The following LYST variants were observed in gnomAD, a reference collection of about 807,000 sequenced individuals.
The protein encoded by LYST is lysosomal trafficking regulator, also known as lysosomal-trafficking regulator.
A neutral mutation model predicts 413.6 loss-of-function variants in LYST; 192 were observed. The observed-to-expected ratio is 0.46, with a 90% CI of 0.41 to 0.52. The LOEUF (loss-of-function observed/expected upper bound fraction) is 0.52. Among genes scored for constraint, LYST ranks in the 20% least tolerant of loss-of-function variants. LYST has a pLI of 0.00. For missense variants in LYST, 3,815 were observed against 4,499.9 expected, an observed-to-expected ratio of 0.85 and a Z score of 4.35; for synonymous variants, 1,525 against 1,567.3, an observed-to-expected ratio of 0.97 and a Z score of 0.64.
Position 235,686,851 on chromosome 1 carries a change from T to G in LYST, c.10800+98A>C. On this transcript the variant is annotated intron_variant, in intron 48 of 52. Coordinates refer to ENST00000389793, the MANE Select transcript of LYST (RefSeq NM_000081.4). This position sits in a 1 kb window ranked among gnomAD's most constrained non-coding sequence, Gnocchi z 4.0. ...GGGAGAAGATTAAGGTATAAACATT[T>G]TAAGTTAATCTTATGCAAAGTGAAT... 1 of 908,888 alleles carries G rather than the reference T, an allele frequency of 1.1e-6. No individual in the cohort carries two copies. The highest frequency in any genetic ancestry group is 1.9e-6 in the Non-Finnish European group (1 of 537,924). 56.3% of individuals were successfully genotyped at this position (908,888 alleles called of 1,614,324 possible).
In LYST at chr1:235,808,921, T is replaced by C. The variant is rs747022808; in HGVS notation, c.1897A>G (p.Lys633Glu). The C allele has an allele frequency of 1.2e-6, 2 of 1,612,538 alleles. No homozygotes were observed. The highest frequency in any genetic ancestry group is 1.7e-6 in the Non-Finnish European group (2 of 1,179,092). Residue 633 changes from lysine to glutamate, a missense_variant, in exon 5 of 53, where the codon AAA becomes GAA. This residue lies in a region of LYST where 1,648 missense variants were observed against 1,810.3 expected (regional missense o/e 0.91). Transcript: ENST00000389793. ...GTACAAATATTACAAGCTGCTTTTT[T>C]AATTTTTGGTGATATCTCTGCTCCT... is the stretch of plus-strand genomic sequence containing the variant. ...LGGAEISPKIKKAACNICTVD... is the reference protein window; with the variant it reads ...LGGAEISPKIEKAACNICTVD...
Position 235,687,065 on chromosome 1 carries a change from T to C in LYST, c.10702-18A>G. On this transcript the variant is annotated intron_variant, in intron 47 of 52. Transcript: ENST00000389793. The stretch of plus-strand genomic sequence containing the variant: ...CTAGTCACCTTTGAAAAAGGACCAA[T>C]CAAAGATTATCATGTTTTAAAAGAA... 1 of 1,469,754 alleles carries C rather than the reference T, an allele frequency of 6.8e-7. No individual in the cohort carries two copies. Among genetic ancestry groups the C allele is most frequent in the Non-Finnish European group, 9.5e-7 (1 of 1,048,566 alleles). 91.0% of individuals were successfully genotyped at this position (1,469,754 alleles called of 1,614,324 possible).
At chr1:235,770,472 A>G (rs914748464) in intron 19 of LYST, among the ~76,000 whole-genome samples, 175 bp from the exon 20 acceptor site, 8 of 152,218 alleles carry the variant, frequency 5.3e-5, no homozygotes. Context: ...TTTGTTGCCA[A>G]TAGGCTATTT....
rs955825715 is a variant in LYST, at chr1:235,734,466, T to C, written c.8535+17A>G. ...GATGGAATCTCCTAAGAAAGTACTA[T>C]GGTTTCATTGACTCACCTCTTTGAT... On this transcript the variant is annotated intron_variant, in intron 32 of 52. Coordinates refer to ENST00000389793, the MANE Select transcript of LYST (RefSeq NM_000081.4). 9 of 1,604,996 alleles carry C rather than the reference T, an allele frequency of 5.6e-6. No individual in the cohort carries two copies. The highest frequency in any genetic ancestry group is 1.7e-4 in the Middle Eastern group (1 of 6,046).
At position 235,693,351 on chromosome 1, in the gene LYST, T is replaced by C. The variant is rs770638775; in HGVS notation, c.10700A>G (p.Gln3567Arg). 35 of 1,597,462 alleles carry C rather than the reference T, an allele frequency of 2.2e-5. 2 individuals are homozygous for C. The South Asian group carries it at 2.8e-4, about 13-fold the overall frequency. ...AATAAAATAAAATAAAGTGTTTACC[T>C]GGTACTGTTGTGAACTTTGAATAAA... ...VNFIQSSQQY[Q>R]VTSCAWVPDS... Residue 3567 changes from glutamine (Q) to arginine (R), a missense_variant and splice_region_variant, in exon 47 of 53, where the codon CAG becomes CGG. By Grantham distance (43) the Gln-to-Arg change is conservative. Coordinates refer to ENST00000389793, the MANE Select transcript of LYST (RefSeq NM_000081.4).
intron 30 of LYST, among the ~76,000 whole-genome samples, chr1:235,742,570 TTA>T (rs35428246): frequency 5.0e-4 from 73 of 146,746 alleles, no homozygotes; most frequent in Non-Finnish European, 5.4e-4. Context: ...AAATTTTATG[TTA>T]TATATATATA....
chr1:235,685,666 C>T (rs187837317), intron 48 of LYST, among the ~76,000 whole-genome samples: 153 of 151,786 alleles, frequency 1.0e-3, no homozygotes, highest in African/African-American at 3.6e-3. Context: ...ACCAACATGG[C>T]GAAACCCTGT....
At position 235,702,873 on chromosome 1, in the gene LYST, G is replaced by C. The variant is rs752246731; in HGVS notation, c.10248C>G (p.His3416Gln). 9.3e-6 allele frequency: 15 copies of C among 1,614,102 alleles called. No individual in the cohort carries two copies. The Admixed American group carries it at 1.2e-4, about 13-fold the overall frequency. ...TYGQTPRQLF[H>Q]MAHVSRPGAK... is the part of the protein sequence containing the mutation. ...CTCCAGGTCTGCTCACATGGGCCATGTGGAACAGCTGACGGGGAGTCTGCC... is the reference window on the plus strand; with the variant it reads ...CTCCAGGTCTGCTCACATGGGCCATCTGGAACAGCTGACGGGGAGTCTGCC... The change falls in exon 45 of 53, where the codon CAC becomes CAG. Residue 3416 changes from histidine (H) to glutamine (Q), a missense_variant. By Grantham distance (24) the His-to-Gln change is conservative (BLOSUM62 0). Coordinates refer to ENST00000389793, the MANE Select transcript of LYST (RefSeq NM_000081.4).
intron 4 of LYST, 122 bp from the exon 5 acceptor site, chr1:235,810,656 T>G: frequency 1.1e-6 from 1 of 871,732 alleles, no homozygotes; most frequent in Non-Finnish European, 1.8e-6. Flanking sequence ...TGTATTTTGC[T>G]GCAGGGCTGA....
chr1:235,798,578 TAAAA>T (rs71174462), intron 10 of LYST, among the ~76,000 whole-genome samples: 5 of 81,712 alleles, frequency 6.1e-5, no homozygotes, highest in African/African-American at 1.8e-4. Context: ...AACCCTGTCA[TAAAA>T]AAAAAAAAAA....
intron 16 of LYST, among the ~76,000 whole-genome samples, chr1:235,777,999 C>G (rs1312094009): frequency 4.7e-5 from 7 of 148,384 alleles, no homozygotes; most frequent in African/African-American, 1.8e-4. Flanking sequence ...CATAGCTCAC[C>G]GTAGCCTTGA....
At chr1:235,781,102 G>A in intron 15 of LYST, 47 bp from the exon 16 acceptor site, 1 of 1,177,732 alleles carries the variant, frequency 8.5e-7, no homozygotes, top group Non-Finnish European at 1.3e-6. Flanking sequence ...ACCCTAACCA[G>A]AATTTTTCAT....
At chr1:235,838,890 G>T (rs1043412988) in intron 1 of LYST, among the ~76,000 whole-genome samples, 5 of 152,246 alleles carry the variant, frequency 3.3e-5, no homozygotes, top group Middle Eastern at 3.4e-3. Flanking sequence ...TTTGTTCTCT[G>T]TATCTGATTA....
At position 235,833,586 on chromosome 1, in the gene LYST, C is replaced by T; in HGVS notation, c.-16G>A. 1.2e-6 allele frequency: 1 copy of T among 863,598 alleles called. No homozygotes were observed. The highest frequency in any genetic ancestry group is 1.2e-4 in the East Asian group (1 of 8,284). 53.5% of individuals were successfully genotyped at this position (863,598 alleles called of 1,614,324 possible). On this transcript the variant is annotated 5_prime_UTR_variant, in exon 2 of 53. An upstream open reading frame in the 5' UTR loses its in-frame stop. Transcript: ENST00000389793. ...TTACATTATATACTTACCAGTCTTT[C>T]ACCACTGCTGTGACATTTACAGTCT...
intron 18 of LYST, 54 bp downstream of exon 18, chr1:235,774,859 G>T: frequency 1.7e-6 from 2 of 1,153,828 alleles, no homozygotes; most frequent in Non-Finnish European, 2.6e-6. Context: ...CTTTGATGAC[G>T]AGATGAGTAT....
intron 10 of LYST, among the ~76,000 whole-genome samples, chr1:235,799,271 TA>T (rs1671928386): frequency 6.6e-6 from 1 of 152,202 alleles, no homozygotes; most frequent in Non-Finnish European, 1.5e-5. Context: ...CATACTTTCA[TA>T]TTTTTTTCAT....
Position 235,734,596 on chromosome 1 carries a change from C to T in LYST, c.8422G>A (p.Glu2808Lys). ...LIHNHQGELT[E>K]EELGTAELLM... ...AGTTCTGCTGTGCCTAGCTCTTCTT[C>T]AGTCAATTCACCTTGGTGATTATGT... The change falls in exon 32 of 53, where the codon GAA becomes AAA. Residue 2808 changes from glutamate (E) to lysine (K), a missense_variant. Physicochemically the swap from Glu to Lys is moderately conservative, Grantham distance 56. This residue lies in a region of LYST where 771 missense variants were observed against 837.1 expected (regional missense o/e 0.92). Transcript: ENST00000389793. The T allele has an allele frequency of 6.2e-7, 1 of 1,613,272 alleles. No individual in the cohort carries two copies. Among genetic ancestry groups the T allele is most frequent in the Non-Finnish European group, 8.5e-7 (1 of 1,179,348 alleles).
intron 1 of LYST, among the ~76,000 whole-genome samples, chr1:235,855,238 C>G (rs976036435): frequency 2.0e-5 from 3 of 152,140 alleles, no homozygotes; most frequent in African/African-American, 7.2e-5. Context: ...ATATGAGCAT[C>G]TAACACAGTA....
intron 22 of LYST, among the ~76,000 whole-genome samples, chr1:235,760,344 C>T (rs574343386): frequency 4.6e-5 from 7 of 152,222 alleles, no homozygotes; most frequent in African/African-American, 1.7e-4. Flanking sequence ...AATGGTAGTA[C>T]TTGTTGTTAC....
Sources: allele counts gnomAD v4.1 joint callset (sites outside exome capture counted in the v4.1 genomes callset), GRCh38; gene constraint gnomAD v4.1.1; regional missense constraint gnomAD v4.1.1; non-coding constraint Gnocchi (gnomAD v3.1); transcripts MANE v1.5; gene names NCBI Gene and HGNC (gene_info 2026-07-23, HGNC 2026-07-21).